The following RAPGEF2 variants were observed in gnomAD, a reference collection of about 807,000 sequenced individuals.
The protein encoded by RAPGEF2 is PDZ domain containing guanine nucleotide exchange factor (GEF) 1.
A neutral mutation model predicts 186.7 loss-of-function variants in RAPGEF2; 54 were observed. The ratio of observed to expected loss-of-function variants is 0.29; its 90% CI spans 0.23 to 0.36. The LOEUF (loss-of-function observed/expected upper bound fraction) is 0.36, where lower values mean the gene tolerates loss of function less well. Ranked by LOEUF, RAPGEF2 falls within the 10% of genes least tolerant of loss-of-function variation. The probability of loss-of-function intolerance (pLI) is 1.00; values close to 1 mark genes in which losing one functional copy is unlikely to be tolerated. For missense variants in RAPGEF2, 1,532 were observed against 2,045.0 expected (o/e 0.75, Z 4.84); for synonymous variants, 712 against 705.9 (o/e 1.01, Z -0.14).
At chr4:159,248,903 C>T (rs1192261083) in intron 7 of RAPGEF2, among the ~76,000 whole-genome samples, 2 of 152,170 alleles carry the variant, frequency 1.3e-5, no homozygotes, top group East Asian at 3.8e-4. Context: ...TACATCATCT[C>T]TGCTACAGAA....
intron 1 of RAPGEF2, among the ~76,000 whole-genome samples, chr4:159,131,228 A>G (rs145532760): frequency 6.6e-6 from 1 of 152,154 alleles, no homozygotes; most frequent in Non-Finnish European, 1.5e-5. Flanking sequence ...CTGCTGCCTC[A>G]TCTTCCTGAA....
chr4:159,285,575 A>T (rs111511580), intron 7 of RAPGEF2, among the ~76,000 whole-genome samples: 78 of 152,366 alleles, frequency 5.1e-4, no homozygotes, highest in East Asian at 2.1e-3. Context: ...TAAGAGATTT[A>T]TAAGCAAAAG....
At chr4:159,311,882 G>T (rs1481544847) in intron 8 of RAPGEF2, among the ~76,000 whole-genome samples, 1 of 152,096 alleles carries the variant, frequency 6.6e-6, no homozygotes, top group Non-Finnish European at 1.5e-5. Context: ...GTATTTTAAG[G>T]TAAAATGGTT....
chr4:159,345,465 C>A, intron 24 of RAPGEF2, 136 bp downstream of exon 24: 1 of 735,146 alleles, frequency 1.4e-6, no homozygotes, highest in East Asian at 2.7e-5. Context: ...TAGTCTTTTC[C>A]TTGAATGCTA....
At chr4:159,267,785 TTTTTTC>T in intron 7 of RAPGEF2, 1 of 1,015,738 alleles carries the variant, frequency 9.8e-7, no homozygotes, top group South Asian at 4.1e-5. Context: ...CCATTTTAGC[TTTTTTC>T]TTTTTTTTTT....
At chr4:159,334,280 C>T (rs1381120124) in intron 17 of RAPGEF2, among the ~76,000 whole-genome samples, 3 of 152,112 alleles carry the variant, frequency 2.0e-5, no homozygotes, top group Admixed American at 1.3e-4. Flanking sequence ...GACAGAGGCT[C>T]GCTCTGTCAG....
At chr4:159,307,156 T>C (rs1763398878) in intron 8 of RAPGEF2, among the ~76,000 whole-genome samples, 1 of 152,158 alleles carries the variant, frequency 6.6e-6, no homozygotes. Flanking sequence ...AACTGTGGCA[T>C]GAAATAACCG....
chr4:159,273,216 A>G (rs1758338432), intron 7 of RAPGEF2, among the ~76,000 whole-genome samples: 1 of 152,174 alleles, frequency 6.6e-6, no homozygotes. Context: ...AGCAGAGGGG[A>G]CTGAGAGGAA....
rs766367337 is a variant in RAPGEF2, at chr4:159,342,964, T to A, written c.2919-15T>A. ...TACTTTAGTTGTTATACCATGTTTC[T>A]TTTTCTCCTCTCAGTGGCCTAAACC... On this transcript the variant is annotated splice_polypyrimidine_tract_variant and intron_variant, in intron 20 of 29. Transcript: ENST00000691494. The A allele has an allele frequency of 6.2e-7, 1 of 1,610,592 alleles. No homozygotes were observed. Among genetic ancestry groups the A allele is most frequent in the South Asian group, 1.1e-5 (1 of 90,740 alleles).
intron 4 of RAPGEF2, chr4:159,228,105 A>T (rs1191917944): frequency 6.6e-6 from 1 of 152,190 alleles, no homozygotes; most frequent in Non-Finnish European, 1.5e-5. Flanking sequence ...TGAGGCTGGT[A>T]TGCGAAAAGA....
chr4:159,270,079 A>G (rs1265985047), intron 7 of RAPGEF2, among the ~76,000 whole-genome samples: 2 of 152,204 alleles, frequency 1.3e-5, no homozygotes, highest in South Asian at 2.1e-4. Flanking sequence ...GGATCAAGCA[A>G]TTTATAGAAA....
chr4:159,351,767 A>AC (rs1479082864), intron 26 of RAPGEF2, among the ~76,000 whole-genome samples: 3 of 151,668 alleles, frequency 2.0e-5, no homozygotes, highest in Admixed American at 2.0e-4. Context: ...ACATGGTGAA[A>AC]CCCCTGTCTC....
intron 4 of RAPGEF2, among the ~76,000 whole-genome samples, chr4:159,215,082 C>T (rs994021448): frequency 6.6e-6 from 1 of 152,190 alleles, no homozygotes; most frequent in Non-Finnish European, 1.5e-5. Context: ...AGGCTGCTCT[C>T]GAACTCCTGA....
chr4:159,352,806 C>T lies in RAPGEF2; in HGVS notation c.3987C>T (p.His1329=), dbSNP rs372776032. 121 of 1,614,150 alleles carry T rather than the reference C, an allele frequency of 7.5e-5. No homozygotes were observed. The highest frequency in any genetic ancestry group is 6.7e-4 in the East Asian group (30 of 44,880). ...SSFDSVPVSL[H]DERRQRHSVS... is the part of the protein sequence containing the mutation. ...TTGACTCAGTGCCAGTCTCACTGCA[C>T]GATGAGAGGCGCCAGAGGCATTCTG... Residue 1329 remains histidine, a synonymous_variant, in exon 27 of 30, where the codon CAC becomes CAT. Coordinates refer to ENST00000691494, the MANE Select transcript of RAPGEF2 (RefSeq NM_001394067.2).
At chr4:159,233,687 A>G (rs1752898854) in intron 4 of RAPGEF2, among the ~76,000 whole-genome samples, 1 of 152,150 alleles carries the variant, frequency 6.6e-6, no homozygotes. Context: ...TGCTTGGATG[A>G]TGGGGGCACC....
chr4:159,269,719 G>A (rs1011959942), intron 7 of RAPGEF2, among the ~76,000 whole-genome samples: 1 of 152,092 alleles, frequency 6.6e-6, no homozygotes, highest in Non-Finnish European at 1.5e-5. Context: ...AATGAACAAA[G>A]AAAATTGATG....
chr4:159,291,093 A>G (rs1761154368), intron 7 of RAPGEF2, among the ~76,000 whole-genome samples: 1 of 152,256 alleles, frequency 6.6e-6, no homozygotes, highest in Non-Finnish European at 1.5e-5. Flanking sequence ...GAAGGGTAAC[A>G]TAATTATTTT....
chr4:159,255,313 T>C (rs1353461862), intron 7 of RAPGEF2, among the ~76,000 whole-genome samples: 1 of 152,164 alleles, frequency 6.6e-6, no homozygotes, highest in Non-Finnish European at 1.5e-5. Flanking sequence ...CTTACCTTAT[T>C]TCTAGAATTC....
intron 1 of RAPGEF2, among the ~76,000 whole-genome samples, chr4:159,148,817 T>TA (rs1174170369): frequency 6.6e-6 from 1 of 152,230 alleles, no homozygotes; most frequent in East Asian, 1.9e-4. Flanking sequence ...ACCTAGTTCT[T>TA]ATGAACATAT....
Sources: allele counts gnomAD v4.1 joint callset (sites outside exome capture counted in the v4.1 genomes callset), GRCh38; gene constraint gnomAD v4.1.1; transcripts MANE v1.5; gene names NCBI Gene and HGNC (gene_info 2026-07-23, HGNC 2026-07-21).